RAB11A: variants seen among roughly 807,000 people sequenced by gnomAD.
RAB11A encodes the protein RAB11A, member RAS oncogene family, also known as ras-related protein Rab-11A.
Under a neutral mutation model 28.0 loss-of-function variants are expected in RAB11A, and 9 were observed. The ratio of observed to expected loss-of-function variants is 0.32; its 90% CI spans 0.19 to 0.56. The LOEUF (loss-of-function observed/expected upper bound fraction) is 0.56. Among genes scored for constraint, RAB11A ranks in the 20% least tolerant of loss-of-function variants. The pLI, the probability that RAB11A is intolerant of heterozygous loss-of-function variation, is 0.91. For synonymous variants in RAB11A, 85 were observed against 88.2 expected (o/e 0.96, Z 0.20); for missense variants, 108 against 269.6 (o/e 0.40, Z 4.20).
chr15:65,887,714 T>C lies in RAB11A; in HGVS notation c.525T>C (p.Ile175=). 1.9e-6 allele frequency: 3 copies of C among 1,612,766 alleles called. No homozygotes were observed. The highest frequency in any genetic ancestry group is 2.5e-6 in the Non-Finnish European group (3 of 1,179,362). ...TTTTTCCTTCAGAGATTTACCGCAT[T>C]GTTTCTCAGAAGCAAATGTCAGACA... ...FQTILTEIYR[I]VSQKQMSDRR... Residue 175 remains isoleucine, a synonymous_variant, in exon 5 of 5, where the codon ATT becomes ATC. Transcript: ENST00000261890.
chr15:65,874,990 G>A (rs746082287), intron 1 of RAB11A, among the ~76,000 whole-genome samples: 3 of 152,168 alleles, frequency 2.0e-5, no homozygotes, highest in Non-Finnish European at 4.4e-5. Context: ...CTAGGCTGCA[G>A]TGGGCTCTGC....
intron 4 of RAB11A, 64 bp from the exon 5 acceptor site, chr15:65,887,637 A>C (rs1434860664): frequency 1.4e-6 from 2 of 1,434,582 alleles, no homozygotes; most frequent in Non-Finnish European, 1.9e-6. Context: ...ACCTTTATGT[A>C]TCTTTTATCC....
intron 1 of RAB11A, among the ~76,000 whole-genome samples, chr15:65,870,908 A>G (rs1380316846): frequency 6.6e-6 from 1 of 152,086 alleles, no homozygotes. Flanking sequence ...ACATTTTTCA[A>G]TGAGAAGAGA....
chr15:65,874,767 C>T (rs1021620667), intron 1 of RAB11A, among the ~76,000 whole-genome samples: 2 of 151,752 alleles, frequency 1.3e-5, no homozygotes, highest in Admixed American at 1.3e-4. Flanking sequence ...TGGAGTTGGC[C>T]GGGCATGGTG....
At chr15:65,882,167 A>G (rs893980552) in intron 4 of RAB11A, among the ~76,000 whole-genome samples, 4 of 152,230 alleles carry the variant, frequency 2.6e-5, no homozygotes, top group Non-Finnish European at 5.9e-5. Context: ...TTCACTTGCT[A>G]CCACTTTTCC....
intron 4 of RAB11A, among the ~76,000 whole-genome samples, chr15:65,881,744 G>T (rs550878769): frequency 1.3e-5 from 2 of 152,140 alleles, no homozygotes; most frequent in East Asian, 3.9e-4. Flanking sequence ...CCAGCATTTT[G>T]GGAGGCTGAG....
chr15:65,885,495 ATTTG>A (rs1273804811), intron 4 of RAB11A, among the ~76,000 whole-genome samples: 3 of 152,112 alleles, frequency 2.0e-5, no homozygotes, highest in African/African-American at 7.2e-5. Context: ...TCCTTTGTAG[ATTTG>A]TTTTTTAATT....
Position 65,891,592 on chromosome 15 carries a change from T to C in RAB11A, c.*3752T>C, listed in dbSNP as rs2078296858. On this transcript the variant is annotated 3_prime_UTR_variant, in exon 5 of 5. Coordinates refer to ENST00000261890, the MANE Select transcript of RAB11A (RefSeq NM_004663.5). Reference sequence around the variant, plus strand: ...TGGGGATTCATCCCAATTCGAACTCTGTAATTCTCTGAATGAACTCTCTCT... The same window carrying C: ...TGGGGATTCATCCCAATTCGAACTCCGTAATTCTCTGAATGAACTCTCTCT... The C allele has an allele frequency of 6.6e-6, 1 of 152,194 alleles. No individual in the cohort carries two copies. The allele number at this position is 152,194 out of a possible 1,614,324, so 9.4% of individuals were successfully genotyped here. A position where few individuals can be genotyped will look rare whatever the true frequency, so the allele number is the denominator to read the frequency against.
At chr15:65,879,789 GAA>G (rs2078211179) in intron 4 of RAB11A, 38 bp downstream of exon 4, 2 of 1,410,682 alleles carry the variant, frequency 1.4e-6, no homozygotes, top group Admixed American at 2.0e-5. Context: ...AGTAGGACTA[GAA>G]GTTTTAGGAA....
chr15:65,876,793 A>G (rs2078193980), intron 1 of RAB11A, among the ~76,000 whole-genome samples: 4 of 152,094 alleles, frequency 2.6e-5, no homozygotes, highest in Admixed American at 2.6e-4. Flanking sequence ...CATATGTTAA[A>G]TGTTTTTCAT....
Position 65,891,609 on chromosome 15 carries a change from A to G in RAB11A, c.*3769A>G, listed in dbSNP as rs1163318360. The G allele has an allele frequency of 2.0e-5, 3 of 152,082 alleles. No individual in the cohort carries two copies. Among genetic ancestry groups the G allele is most frequent in the Non-Finnish European group, 4.4e-5 (3 of 68,020 alleles). The allele number at this position is 152,082 out of a possible 1,614,324, so 9.4% of individuals were successfully genotyped here. ...TCGAACTCTGTAATTCTCTGAATGA[A>G]CTCTCTCTTCAATTAAAGCCAAATT... On this transcript the variant is annotated 3_prime_UTR_variant, in exon 5 of 5. Transcript: ENST00000261890.
chr15:65,874,190 C>G (rs183675322), intron 1 of RAB11A, among the ~76,000 whole-genome samples: 95 of 150,720 alleles, frequency 6.3e-4, no homozygotes, highest in African/African-American at 2.1e-3. Flanking sequence ...TAGGTATTTG[C>G]GATGATACTC....
At chr15:65,882,703 A>G (rs941893734) in intron 4 of RAB11A, among the ~76,000 whole-genome samples, 3 of 152,198 alleles carry the variant, frequency 2.0e-5, no homozygotes, top group South Asian at 2.1e-4. Context: ...AAGTGACTCC[A>G]TGAGATGATT....
At chr15:65,883,536 C>G (rs1462947687) in intron 4 of RAB11A, among the ~76,000 whole-genome samples, 1 of 152,154 alleles carries the variant, frequency 6.6e-6, no homozygotes, top group Non-Finnish European at 1.5e-5. Flanking sequence ...AAGGTGATGT[C>G]TGCTAGGTTT....
chr15:65,887,163 C>T (rs1021881391), intron 4 of RAB11A, among the ~76,000 whole-genome samples: 1 of 148,548 alleles, frequency 6.7e-6, no homozygotes, highest in Non-Finnish European at 1.5e-5. Context: ...CAATGTAATG[C>T]TATTGGCTTA....
chr15:65,881,296 T>C lies in RAB11A; in HGVS notation c.511+1545T>C, dbSNP rs1420140384. Among the ~76,000 whole-genome samples the C allele has an allele frequency of 5.9e-5, 9 of 152,308 alleles. No homozygotes were observed. In the East Asian group the frequency reaches 1.7e-3, roughly 29 times the overall value. Reference sequence around the variant, plus strand: ...TTTATAGCCATTTGTGTACATTTTATTAAGTCAACATGTAGAGTACTAGAT... The same window carrying C: ...TTTATAGCCATTTGTGTACATTTTACTAAGTCAACATGTAGAGTACTAGAT... On this transcript the variant is annotated intron_variant, in intron 4 of 4. Transcript: ENST00000261890.
intron 1 of RAB11A, among the ~76,000 whole-genome samples, chr15:65,871,317 A>G (rs562048346): frequency 3.9e-4 from 60 of 152,328 alleles, no homozygotes; most frequent in African/African-American, 1.4e-3. Flanking sequence ...AAGTACTTTC[A>G]GGGTACTTAG....
chr15:65,871,515 A>C (rs896664123), intron 1 of RAB11A, among the ~76,000 whole-genome samples: 17 of 152,236 alleles, frequency 1.1e-4, no homozygotes, highest in Non-Finnish European at 5.9e-5. Flanking sequence ...TCTTTGAAGT[A>C]ATTAATTCAG....
At chr15:65,879,591 T>C in intron 3 of RAB11A, 80 bp from the exon 4 acceptor site, 6 of 1,102,878 alleles carry the variant, frequency 5.4e-6, no homozygotes, top group Non-Finnish European at 7.9e-6. Flanking sequence ...AGTTCTGTTA[T>C]TTTTCCTTTT....
Sources: allele counts gnomAD v4.1 joint callset (sites outside exome capture counted in the v4.1 genomes callset), GRCh38; gene constraint gnomAD v4.1.1; transcripts MANE v1.5; gene names NCBI Gene and HGNC (gene_info 2026-07-23, HGNC 2026-07-21).